EPHB1: variants seen among roughly 807,000 people sequenced by gnomAD.
EPHB1 encodes ephrin type-B receptor 1.
Under a neutral mutation model 94.4 loss-of-function variants are expected in EPHB1, and 30 were observed. The ratio of observed to expected loss-of-function variants is 0.32; its 90% CI spans 0.24 to 0.43. The LOEUF is 0.43. Ranked by LOEUF, EPHB1 falls within the 20% of genes least tolerant of loss-of-function variation. The pLI is 1.00. For missense variants in EPHB1, 1,055 were observed against 1,308.3 expected, an observed-to-expected ratio of 0.81 and a Z score of 2.99; for synonymous variants, 522 against 489.1, an observed-to-expected ratio of 1.07 and a Z score of -0.89.
chr3:135,115,757 G>A (rs1397166200), intron 4 of EPHB1, among the ~76,000 whole-genome samples: 1 of 152,116 alleles, frequency 6.6e-6, no homozygotes, highest in Non-Finnish European at 1.5e-5. Flanking sequence ...ATGTCCCCCA[G>A]AATGAGGATA....
In EPHB1 at chr3:135,155,719, G is replaced by A. The variant is rs555109698; in HGVS notation, c.1422+1443G>A. On this transcript the variant is annotated intron_variant, in intron 6 of 15. Coordinates refer to ENST00000398015, the MANE Select transcript of EPHB1 (RefSeq NM_004441.5). The stretch of plus-strand genomic sequence containing the variant: ...GCTAGAGAATCACTTGAACCCAGGA[G>A]GTGGAGGTTGCAGTGAGCCTAGATC... 2.4e-3 allele frequency among the ~76,000 whole-genome samples: 350 copies of A among 143,836 alleles called. 1 individual carries two copies. Among genetic ancestry groups the A allele is most frequent in the Non-Finnish European group, 4.0e-3 (267 of 66,450 alleles). 94.4% of individuals were successfully genotyped at this position (143,836 alleles called of 152,430 possible).
At chr3:135,140,718 G>T (rs966584851) in intron 5 of EPHB1, among the ~76,000 whole-genome samples, 1 of 152,152 alleles carries the variant, frequency 6.6e-6, no homozygotes, top group Non-Finnish European at 1.5e-5. Context: ...TCCCCCACTG[G>T]CAGGGTCCCA....
At chr3:135,186,858 A>G (rs1323429839) in intron 10 of EPHB1, among the ~76,000 whole-genome samples, 2 of 152,338 alleles carry the variant, frequency 1.3e-5, no homozygotes, top group African/African-American at 4.8e-5. Flanking sequence ...TGAAATGCAT[A>G]GGAATTGGTT....
At chr3:135,078,678 T>C (rs1286343226) in intron 3 of EPHB1, among the ~76,000 whole-genome samples, 1 of 152,238 alleles carries the variant, frequency 6.6e-6, no homozygotes, top group Non-Finnish European at 1.5e-5. Context: ...TGGCACATGC[T>C]GTGCCCAGAG....
chr3:135,119,179 AT>A lies in EPHB1; in HGVS notation c.961+12577del, dbSNP rs142163183. Among the ~76,000 whole-genome samples, 501 of 152,300 alleles carry A rather than the reference AT, an allele frequency of 3.3e-3. 2 individuals are homozygous for A. The highest frequency in any genetic ancestry group is 5.9e-3 in the Non-Finnish European group (403 of 68,018). Reference sequence around the variant, plus strand: ...TTAGTCTTCTGGGAATTGTCTGTTTATAACCCTTGCCTTTTTCTATATTTAA... The same window carrying A: ...TTAGTCTTCTGGGAATTGTCTGTTTAAACCCTTGCCTTTTTCTATATTTAA... On this transcript the variant is annotated intron_variant, in intron 4 of 15. Transcript: ENST00000398015.
At chr3:135,243,986 G>A (rs1943857769) in intron 13 of EPHB1, among the ~76,000 whole-genome samples, 1 of 152,018 alleles carries the variant, frequency 6.6e-6, no homozygotes, top group African/African-American at 2.4e-5. Context: ...GTGCAAGGTC[G>A]ACTAGGCACT....
chr3:134,911,487 T>C (rs36211), intron 1 of EPHB1, among the ~76,000 whole-genome samples: 60,760 of 151,906 alleles, frequency 0.4, 13,505 homozygotes, highest in South Asian at 0.6. Context: ...GGGTATGATG[T>C]GGTCAGCTTC....
intron 7 of EPHB1, among the ~76,000 whole-genome samples, chr3:135,164,602 A>G (rs1309248202): frequency 3.3e-5 from 5 of 152,160 alleles, no homozygotes; most frequent in African/African-American, 1.2e-4. Context: ...TGAGGTTAGG[A>G]GTTCAAGACC....
intron 3 of EPHB1, among the ~76,000 whole-genome samples, chr3:135,060,000 GT>G (rs1219624469): frequency 6.6e-6 from 1 of 152,214 alleles, no homozygotes; most frequent in Non-Finnish European, 1.5e-5. Context: ...GTGCACAAGT[GT>G]GTTCATCTTC....
intron 1 of EPHB1, among the ~76,000 whole-genome samples, chr3:134,872,257 C>T (rs1297868899): frequency 6.6e-6 from 1 of 152,182 alleles, no homozygotes; most frequent in African/African-American, 2.4e-5. Context: ...TAGGGGTCTC[C>T]AGGATATCTC....
chr3:135,037,969 C>A (rs1369129476), intron 3 of EPHB1, among the ~76,000 whole-genome samples: 1 of 152,186 alleles, frequency 6.6e-6, no homozygotes, highest in African/African-American at 2.4e-5. Flanking sequence ...TTATCACAGT[C>A]ATTGTTTACC....
Position 134,921,411 on chromosome 3 carries a change from C to T in EPHB1, c.59-4405C>T, listed in dbSNP as rs551958337. ...TGTTGGGACAGGCACACCTGTTCCC[C>T]GCATACAGAAAAATTTTTCCAGTTC... On this transcript the variant is annotated intron_variant, in intron 1 of 15. Coordinates refer to ENST00000398015, the MANE Select transcript of EPHB1 (RefSeq NM_004441.5). Among the ~76,000 whole-genome samples, 6 of 152,306 alleles carry T rather than the reference C, an allele frequency of 3.9e-5. No homozygotes were observed. The East Asian group carries it at 9.7e-4, about 25-fold the overall frequency.
At chr3:134,807,494 A>AGTGTGTGTGTGT (rs151336394) in intron 1 of EPHB1, among the ~76,000 whole-genome samples, 132 of 138,826 alleles carry the variant, frequency 9.5e-4, no homozygotes, top group South Asian at 2.2e-3. Context: ...TTGGGGAAGG[A>AGTGTGTGTGTGT]GTGTGTGTGT....
chr3:135,198,089 A>T (rs933765832), intron 11 of EPHB1, among the ~76,000 whole-genome samples: 1 of 152,180 alleles, frequency 6.6e-6, no homozygotes, highest in African/African-American at 2.4e-5. Flanking sequence ...ACAGGATAGG[A>T]GTTAGAAGAC....
At chr3:135,107,527 A>G (rs186824220) in intron 4 of EPHB1, among the ~76,000 whole-genome samples, 2 of 152,204 alleles carry the variant, frequency 1.3e-5, no homozygotes, top group African/African-American at 4.8e-5. Context: ...ATGTGTTAGA[A>G]TTTTCTTCTT....
At chr3:134,848,335 A>G (rs2036916081) in intron 1 of EPHB1, among the ~76,000 whole-genome samples, 1 of 152,228 alleles carries the variant, frequency 6.6e-6, no homozygotes, top group Non-Finnish European at 1.5e-5. Context: ...TTAAATTTGG[A>G]TAACAGAGCA....
At chr3:134,825,756 G>A (rs34226152) in intron 1 of EPHB1, among the ~76,000 whole-genome samples, 55,417 of 151,996 alleles carry the variant, frequency 0.36, 12,943 homozygotes, top group African/African-American at 0.66. Flanking sequence ...GTATACTCCA[G>A]TCTCCTTCAT....
intron 3 of EPHB1, among the ~76,000 whole-genome samples, chr3:135,012,329 C>G (rs1052550413): frequency 3.0e-4 from 46 of 152,174 alleles, no homozygotes; most frequent in African/African-American, 1.1e-3. Flanking sequence ...GGTGTGTGCT[C>G]AGTAAGCACA....
intron 3 of EPHB1, among the ~76,000 whole-genome samples, chr3:135,033,569 T>C (rs1936552596): frequency 6.6e-6 from 1 of 152,170 alleles, no homozygotes; most frequent in South Asian, 2.1e-4. Flanking sequence ...CCACTGTTCA[T>C]TGAGGACCTG....
Sources: gnomAD v4.1 joint callset for allele counts (sites outside exome capture counted in the v4.1 genomes callset) on GRCh38, gnomAD v4.1.1 for gene constraint, MANE v1.5 for transcripts, NCBI Gene and HGNC (gene_info 2026-07-23, HGNC 2026-07-21) for gene names.